ANKS1B: variants seen among roughly 807,000 people sequenced by gnomAD.
ANKS1B encodes ankyrin repeat and sterile alpha motif domain containing 1B.
In ANKS1B, 36 loss-of-function variants were observed where a neutral mutation model predicts 148.3. The ratio of observed to expected loss-of-function variants is 0.24; its 90% CI spans 0.19 to 0.32. The LOEUF is 0.32. ANKS1B is among the 10% of genes least tolerant of loss of function. The pLI is 1.00. For synonymous variants in ANKS1B, 542 were observed against 560.8 expected (o/e 0.97, Z 0.47); for missense variants, 1,157 against 1,542.6 (o/e 0.75, Z 4.19).
intron 17 of ANKS1B, among the ~76,000 whole-genome samples, chr12:98,926,086 G>A (rs2099807767): frequency 6.6e-6 from 1 of 152,128 alleles, no homozygotes; most frequent in Non-Finnish European, 1.5e-5. Flanking sequence ...AAAGACCTGA[G>A]AAGCCCCTAT....
chr12:98,831,801 T>C (rs2099318202), intron 18 of ANKS1B: 1 of 535,418 alleles, frequency 1.9e-6, no homozygotes, highest in South Asian at 2.2e-5. Context: ...CAGGCTGGAG[T>C]GCAGTGGTGC....
At chr12:98,903,268 C>A (rs899024587) in intron 17 of ANKS1B, among the ~76,000 whole-genome samples, 1 of 152,012 alleles carries the variant, frequency 6.6e-6, no homozygotes, top group East Asian at 1.9e-4. Context: ...TGATTTGTTA[C>A]TGGGGACCCA....
chr12:99,604,748 G>A (rs2097838047), intron 9 of ANKS1B, among the ~76,000 whole-genome samples: 1 of 149,686 alleles, frequency 6.7e-6, no homozygotes, highest in Non-Finnish European at 1.5e-5. Context: ...CCGGGAGGTG[G>A]AGGTTGCAGT....
At chr12:99,092,384 T>TG (rs11429354) in intron 15 of ANKS1B, among the ~76,000 whole-genome samples, 12,012 of 150,440 alleles carry the variant, frequency 0.08, 1,162 homozygotes, top group African/African-American at 0.23. Context: ...GAGAGCTATC[T>TG]GAAGAAGAAC....
chr12:99,614,529 G>C (rs1003082612), intron 9 of ANKS1B, among the ~76,000 whole-genome samples: 2 of 151,068 alleles, frequency 1.3e-5, no homozygotes, highest in Non-Finnish European at 3.0e-5. Context: ...GTTAATGTAG[G>C]TCCTGGATTT....
chr12:99,685,615 A>C (rs1053032774), intron 8 of ANKS1B, among the ~76,000 whole-genome samples: 2 of 152,196 alleles, frequency 1.3e-5, no homozygotes, highest in African/African-American at 4.8e-5. Context: ...TTATATGAAA[A>C]AGACATTTGC....
rs75039740 is a variant in ANKS1B at position 98,924,646 on chromosome 12, T to C, written c.2779-92510A>G. Among the ~76,000 whole-genome samples, 612 of 152,316 alleles carry C rather than the reference T, an allele frequency of 4.0e-3. 3 individuals carry two copies. The highest frequency in any genetic ancestry group is 0.014 in the African/African-American group (583 of 41,588). On this transcript the variant is annotated intron_variant, in intron 17 of 26. Coordinates refer to ENST00000683438, the MANE Select transcript of ANKS1B (RefSeq NM_001352186.2). ...TGTGGAACTGATACCGTTAGTTTTA[T>C]TTCGGGGTGATGCAATCCCTCTGCT...
In ANKS1B at chr12:98,801,578, TTAGATCTCTGGAGAAATGGTAG is replaced by T. The variant is rs1473191336; in HGVS notation, c.3142-475_3142-454del. 5.9e-5 allele frequency among the ~76,000 whole-genome samples: 9 copies of T among 152,214 alleles called. No homozygotes were observed. The highest frequency in any genetic ancestry group is 2.2e-4 in the African/African-American group (9 of 41,452). On this transcript the variant is annotated intron_variant, in intron 20 of 26. Transcript: ENST00000683438. This position sits in a 1 kb window ranked among gnomAD's most constrained non-coding sequence, Gnocchi z 5.2. ...CATGTACTAGCCACTTTGAATAATT[TTAGATCTCTGGAGAAATGGTAG>T]TGTAAGCATGATGCTAAACAAAATT... is the stretch of plus-strand genomic sequence containing the variant.
chr12:98,828,810 C>T (rs2099271563), intron 19 of ANKS1B, among the ~76,000 whole-genome samples: 1 of 152,222 alleles, frequency 6.6e-6, no homozygotes, highest in Non-Finnish European at 1.5e-5. Context: ...TCCTTCCCCC[C>T]AAACTTCTGC....
chr12:99,171,609 T>C (rs2077765200), intron 14 of ANKS1B, among the ~76,000 whole-genome samples: 1 of 152,172 alleles, frequency 6.6e-6, no homozygotes, highest in African/African-American at 2.4e-5. Context: ...ATACCAGCCT[T>C]TACAAAACAG....
intron 19 of ANKS1B, among the ~76,000 whole-genome samples, chr12:98,818,722 A>C (rs1351656712): frequency 2.6e-5 from 4 of 152,212 alleles, no homozygotes; most frequent in African/African-American, 9.7e-5. Context: ...GTTCTTTGTA[A>C]CATCTCTTTA....
intron 14 of ANKS1B, among the ~76,000 whole-genome samples, chr12:99,223,557 A>T (rs745396880): frequency 6.6e-6 from 1 of 151,794 alleles, no homozygotes; most frequent in Admixed American, 6.6e-5. Context: ...AAAGGTTCGC[A>T]CTCCTATGAG....
rs143130258 is a variant in ANKS1B, at chr12:99,524,200, A to G, written c.1273-19559T>C. On this transcript the variant is annotated intron_variant, in intron 9 of 26. Transcript: ENST00000683438. The stretch of plus-strand genomic sequence containing the variant: ...TGACATTCAAATAAGAAAAACTACA[A>G]CATGAATATGAAATCAGAAGAAAAA... Among the ~76,000 whole-genome samples the G allele has an allele frequency of 2.6e-3, 393 of 152,360 alleles. 2 individuals are homozygous for G. Among genetic ancestry groups the G allele is most frequent in the African/African-American group, 9.0e-3 (376 of 41,584 alleles).
chr12:99,658,227 G>A (rs557824132), intron 8 of ANKS1B, among the ~76,000 whole-genome samples: 7 of 152,194 alleles, frequency 4.6e-5, no homozygotes, highest in East Asian at 1.9e-4. Context: ...CTCACTAGCC[G>A]TATGATTTTC....
intron 17 of ANKS1B, among the ~76,000 whole-genome samples, chr12:98,838,043 G>T (rs1040539802): frequency 6.6e-6 from 1 of 151,896 alleles, no homozygotes; most frequent in African/African-American, 2.4e-5. Context: ...TACCATTTTC[G>T]CCTTTTCTTC....
At chr12:99,104,538 C>A (rs952983294) in intron 15 of ANKS1B, 2 of 152,146 alleles carry the variant, frequency 1.3e-5, no homozygotes, top group African/African-American at 4.8e-5. Flanking sequence ...AAGTTTTGAT[C>A]ATCCTATGAG....
chr12:99,630,976 G>A (rs754369645), intron 9 of ANKS1B, among the ~76,000 whole-genome samples: 4 of 152,238 alleles, frequency 2.6e-5, no homozygotes, highest in Non-Finnish European at 5.9e-5. Context: ...TCATGATAGT[G>A]AATAAGTCTC....
intron 8 of ANKS1B, among the ~76,000 whole-genome samples, chr12:99,722,138 A>C (rs1230019593): frequency 6.6e-6 from 1 of 152,256 alleles, no homozygotes; most frequent in African/African-American, 2.4e-5. Context: ...AAAGTGCAAG[A>C]AGCAGCAAGT....
chr12:99,226,557 C>G (rs2085967703), intron 14 of ANKS1B, among the ~76,000 whole-genome samples: 1 of 152,140 alleles, frequency 6.6e-6, no homozygotes, highest in Non-Finnish European at 1.5e-5. Context: ...ATCTACAGTT[C>G]TGATTATCAT....
Sources: gnomAD v4.1 joint callset for allele counts (sites outside exome capture counted in the v4.1 genomes callset) on GRCh38, gnomAD v4.1.1 for gene constraint, Gnocchi (gnomAD v3.1) non-coding constraint, MANE v1.5 for transcripts, NCBI Gene and HGNC (gene_info 2026-07-23, HGNC 2026-07-21) for gene names.